LSM5: variants seen among roughly 807,000 people sequenced by gnomAD.
The protein encoded by LSM5 is U6 snRNA-associated Sm-like protein LSm5.
In LSM5, 8 loss-of-function variants were observed where a neutral mutation model predicts 13.8. The observed-to-expected ratio is 0.58, with a 90% CI of 0.34 to 1.04. The LOEUF (loss-of-function observed/expected upper bound fraction) is 1.04, where lower values mean the gene tolerates loss of function less well. Among genes scored for constraint, LSM5 ranks in the 50% least tolerant of loss-of-function variants. LSM5 has a pLI of 0.03. For missense variants in LSM5, 80 were observed against 108.1 expected (o/e 0.74, Z 1.15); for synonymous variants, 35 against 37.0 (o/e 0.95, Z 0.20).
Position 32,486,613 on chromosome 7 carries a change from T to G in LSM5, c.*648A>C, listed in dbSNP as rs1425738848. The stretch of plus-strand genomic sequence containing the variant: ...TAAAGCTCTGTCTCCACTCATTTCC[T>G]GGCAATTCAGTAATAACTACATTAA... On this transcript the variant is annotated 3_prime_UTR_variant, in exon 5 of 5. Coordinates refer to ENST00000450169, the MANE Select transcript of LSM5 (RefSeq NM_012322.3). 1 of 152,440 alleles carries G rather than the reference T, an allele frequency of 6.6e-6. No individual in the cohort carries two copies. Among genetic ancestry groups the G allele is most frequent in the East Asian group, 1.9e-4 (1 of 5,216 alleles). 9.4% of individuals were successfully genotyped at this position (152,440 alleles called of 1,614,324 possible).
chr7:32,490,715 A>G (rs1786565133), upstream of LSM5: 1 of 285,596 alleles, frequency 3.5e-6, no homozygotes, highest in Admixed American at 4.8e-5. Flanking sequence ...AAACCAGTAT[A>G]AATCAATTCG....
chr7:32,487,772 A>T lies in LSM5; in HGVS notation c.171-15T>A, dbSNP rs1786483261. ...GTGTGATTTCACTAAATGAATAGAT[A>T]AAATACAGTCAGGACAAACAGTGAA... is the stretch of plus-strand genomic sequence containing the variant. On this transcript the variant is annotated splice_polypyrimidine_tract_variant and intron_variant, in intron 3 of 4. Coordinates refer to ENST00000450169, the MANE Select transcript of LSM5 (RefSeq NM_012322.3). 3.9e-6 allele frequency: 5 copies of T among 1,289,618 alleles called. No homozygotes were observed. Among genetic ancestry groups the T allele is most frequent in the Admixed American group, 1.7e-5 (1 of 59,424 alleles). 79.9% of individuals were successfully genotyped at this position (1,289,618 alleles called of 1,614,324 possible).
rs2128105834 is a variant in LSM5 at position 32,487,771 on chromosome 7, T to C, written c.171-14A>G. On this transcript the variant is annotated splice_polypyrimidine_tract_variant and intron_variant, in intron 3 of 4. Transcript: ENST00000450169. ...GGTGTGATTTCACTAAATGAATAGATAAAATACAGTCAGGACAAACAGTGA... is the reference window on the plus strand; with the variant it reads ...GGTGTGATTTCACTAAATGAATAGACAAAATACAGTCAGGACAAACAGTGA... The C allele has an allele frequency of 7.8e-7, 1 of 1,287,034 alleles. No homozygotes were observed. 79.7% of individuals were successfully genotyped at this position (1,287,034 alleles called of 1,614,324 possible). A position where few individuals can be genotyped will look rare whatever the true frequency, so the allele number is the denominator to read the frequency against.
chr7:32,490,417 G>A (rs375965506), upstream of LSM5: 66 of 1,495,496 alleles, frequency 4.4e-5, no homozygotes, highest in African/African-American at 8.6e-4. Flanking sequence ...ACTTTGAAAA[G>A]CGCGCTTCCG....
rs775928036 is a variant in LSM5 at position 32,488,635 on chromosome 7, C to T, written c.160G>A (p.Val54Ile). Residue 54 changes from valine (V) to isoleucine (I), a missense_variant, in exon 3 of 5, where the codon GTC (valine) becomes ATC (isoleucine). By Grantham distance (29) the Val-to-Ile change is conservative. Transcript: ENST00000450169. The stretch of plus-strand genomic sequence containing the variant: ...TTTAACACTACTCACAACTCAGTGA[C>T]ATCTTCCAGTACCATATCTGAAATT... ...DDFVNMVLED[V>I]TEFEITPEGR... The T allele has an allele frequency of 5.6e-6, 9 of 1,598,330 alleles. No individual in the cohort carries two copies. The African/African-American group carries it at 1.2e-4, about 21-fold the overall frequency.
rs1786449711 is a variant in LSM5 at position 32,486,431 on chromosome 7, T to C, written c.*830A>G. 1 of 152,240 alleles carries C rather than the reference T, an allele frequency of 6.6e-6. No individual in the cohort carries two copies. The highest frequency in any genetic ancestry group is 2.4e-5 in the African/African-American group (1 of 41,454). The allele number at this position is 152,240 out of a possible 1,614,324, so 9.4% of individuals were successfully genotyped here. A position where few individuals can be genotyped will look rare whatever the true frequency, so the allele number is the denominator to read the frequency against. ...CAGCAAAGCATGATCAACCTTCTCCTTTTTGCTTACCTACAATTCTACGAT... is the reference window on the plus strand; with the variant it reads ...CAGCAAAGCATGATCAACCTTCTCCCTTTTGCTTACCTACAATTCTACGAT... On this transcript the variant is annotated 3_prime_UTR_variant, in exon 5 of 5. Coordinates refer to ENST00000450169, the MANE Select transcript of LSM5 (RefSeq NM_012322.3).
intron 3 of LSM5, 68 bp from the exon 4 acceptor site, chr7:32,487,825 T>TAC (rs1383113083): frequency 7.4e-6 from 6 of 806,926 alleles, no homozygotes; most frequent in African/African-American, 1.7e-5. Context: ...TGGAAATACT[T>TAC]ACCCTCCCTA....
rs1786449929 is a variant in LSM5 at position 32,486,439 on chromosome 7, T to C, written c.*822A>G. On this transcript the variant is annotated 3_prime_UTR_variant, in exon 5 of 5. Coordinates refer to ENST00000450169, the MANE Select transcript of LSM5 (RefSeq NM_012322.3). ...CATGATCAACCTTCTCCTTTTTGCT[T>C]ACCTACAATTCTACGATGTGCATAT... The C allele has an allele frequency of 6.6e-6, 1 of 152,248 alleles. No individual in the cohort carries two copies. Among genetic ancestry groups the C allele is most frequent in the Non-Finnish European group, 1.5e-5 (1 of 68,052 alleles). 9.4% of individuals were successfully genotyped at this position (152,248 alleles called of 1,614,324 possible).
At chr7:32,493,541 C>T (rs1786639799), upstream of LSM5, among the ~76,000 whole-genome samples, 1 of 151,380 alleles carries the variant, frequency 6.6e-6, no homozygotes, top group South Asian at 2.1e-4. Flanking sequence ...TCTCTCTCTC[C>T]CTTTCTTTAT....
intron 1 of LSM5, 52 bp from the exon 2 acceptor site, chr7:32,489,396 G>C: frequency 9.8e-7 from 1 of 1,015,542 alleles, no homozygotes; most frequent in Non-Finnish European, 1.5e-6. Context: ...ACAAATATTT[G>C]AGTGCCTACT....
At chr7:32,492,082 CTCTTTT>C (rs1027619135), upstream of LSM5, among the ~76,000 whole-genome samples, 1 of 152,142 alleles carries the variant, frequency 6.6e-6, no homozygotes, top group African/African-American at 2.4e-5. Flanking sequence ...CTTTCTCTTT[CTCTTTT>C]TTTCTTTTTG....
intron 4 of LSM5, 146 bp downstream of exon 4, chr7:32,487,539 C>T: frequency 1.5e-6 from 1 of 687,330 alleles, no homozygotes; most frequent in Non-Finnish European, 2.6e-6. Context: ...GCTTTAGGAC[C>T]CTGACCACAG....
chr7:32,487,883 T>A (rs1786485468), intron 3 of LSM5, 126 bp from the exon 4 acceptor site: 1 of 601,910 alleles, frequency 1.7e-6, no homozygotes, highest in Admixed American at 2.8e-5. Context: ...AGCAATTATA[T>A]CCACAATTTT....
At chr7:32,491,055 A>G (rs1364382994), upstream of LSM5, among the ~76,000 whole-genome samples, 1 of 152,176 alleles carries the variant, frequency 6.6e-6, no homozygotes, top group East Asian at 1.9e-4. Flanking sequence ...GAAAACAGCA[A>G]AGTATCGGCC....
intron 1 of LSM5, 118 bp downstream of exon 1, chr7:32,490,202 C>T (rs1786545862): frequency 1.3e-6 from 2 of 1,588,286 alleles, no homozygotes; most frequent in South Asian, 1.1e-5. Flanking sequence ...CAGAGTCGAA[C>T]CGCATTTGGT....
Position 32,488,275 on chromosome 7 carries a change from T to C in LSM5, c.170+350A>G, listed in dbSNP as rs775581946. The C allele has an allele frequency of 2.1e-4, 47 of 222,048 alleles. 1 individual carries two copies. Among genetic ancestry groups the C allele is most frequent in the Non-Finnish European group, 3.9e-4 (44 of 114,216 alleles). The allele number at this position is 222,048 out of a possible 1,614,324, so 13.8% of individuals were successfully genotyped here. A position where few individuals can be genotyped will look rare whatever the true frequency, so the allele number is the denominator to read the frequency against. On this transcript the variant is annotated intron_variant, in intron 3 of 4. Transcript: ENST00000450169. The stretch of plus-strand genomic sequence containing the variant: ...GCTGGTCTCAAACTCCCAGGCTTAA[T>C]CCTCCTCCTTTGGCCTTCCAAAGTG...
rs1003976700 is a variant in LSM5 at position 32,485,582 on chromosome 7, C to A, written c.*1679G>T. ...AACATCTCAATGGCAAAAGCCTCAACAGATAAGTCATTTACAAAATACAAA... is the reference window on the plus strand; with the variant it reads ...AACATCTCAATGGCAAAAGCCTCAAAAGATAAGTCATTTACAAAATACAAA... On this transcript the variant is annotated 3_prime_UTR_variant, in exon 5 of 5. Transcript: ENST00000450169. The A allele has an allele frequency of 6.6e-6, 1 of 152,142 alleles. No individual in the cohort carries two copies. The highest frequency in any genetic ancestry group is 1.5e-5 in the Non-Finnish European group (1 of 68,012). 9.4% of individuals were successfully genotyped at this position (152,142 alleles called of 1,614,324 possible).
At chr7:32,490,467 C>T (rs1786558372), upstream of LSM5, 1 of 945,266 alleles carries the variant, frequency 1.1e-6, no homozygotes, top group Non-Finnish European at 1.7e-6. Flanking sequence ...AATCTGAGGC[C>T]GAGCGCACGA....
upstream of LSM5, among the ~76,000 whole-genome samples, chr7:32,491,724 AGTG>A (rs1479801982): frequency 1.3e-5 from 2 of 152,228 alleles, no homozygotes; most frequent in Non-Finnish European, 1.5e-5. Flanking sequence ...ATCTATGAAA[AGTG>A]GTCAGCATAG....
Sources: allele counts gnomAD v4.1 joint callset (sites outside exome capture counted in the v4.1 genomes callset), GRCh38; gene constraint gnomAD v4.1.1; transcripts MANE v1.5; gene names NCBI Gene and HGNC (gene_info 2026-07-23, HGNC 2026-07-21).